The following CDH4 variants were observed in gnomAD, a reference collection of about 807,000 sequenced individuals.
CDH4 encodes cadherin 4.
CDH4 carries 33 observed loss-of-function variants against 86.0 expected under a neutral mutation model. The ratio of observed to expected loss-of-function variants is 0.38; its 90% CI spans 0.29 to 0.51. The LOEUF is 0.51. CDH4 is among the 20% of genes least tolerant of loss of function. CDH4 has a pLI of 0.86. For missense variants in CDH4, 1,114 were observed against 1,307.4 expected (o/e 0.85, Z 2.28); for synonymous variants, 555 against 549.4 (o/e 1.01, Z -0.14).
At chr20:61,432,206 G>C (rs947801894) in intron 2 of CDH4, among the ~76,000 whole-genome samples, 2 of 152,184 alleles carry the variant, frequency 1.3e-5, no homozygotes, top group African/African-American at 4.8e-5. Flanking sequence ...TTAAGAAGTT[G>C]CTCAGTAGCC....
intron 2 of CDH4, among the ~76,000 whole-genome samples, chr20:61,597,909 T>A (rs2086568532): frequency 6.6e-6 from 1 of 152,186 alleles, no homozygotes; most frequent in Admixed American, 6.5e-5. Flanking sequence ...AAGGGCAGGG[T>A]GGACCAGCAG....
chr20:61,922,504 C>T (rs537247808), intron 9 of CDH4, among the ~76,000 whole-genome samples: 15 of 152,274 alleles, frequency 9.9e-5, no homozygotes, highest in South Asian at 4.2e-4. Flanking sequence ...TGGTTCTGTC[C>T]GGGGCTGCGG....
intron 2 of CDH4, among the ~76,000 whole-genome samples, chr20:61,451,445 A>G (rs2085380177): frequency 6.6e-6 from 1 of 152,156 alleles, no homozygotes; most frequent in Non-Finnish European, 1.5e-5. Flanking sequence ...GGGTATAATA[A>G]TACCGTTATA....
chr20:61,706,437 G>A (rs1301141144), intron 2 of CDH4, among the ~76,000 whole-genome samples: 2 of 152,322 alleles, frequency 1.3e-5, no homozygotes, highest in East Asian at 1.9e-4. Flanking sequence ...ACAATAACAT[G>A]TGGGGCACGG....
In CDH4 at chr20:61,684,334, G is replaced by C. The variant is rs1231797343; in HGVS notation, c.170-59229G>C. Among the ~76,000 whole-genome samples the C allele has an allele frequency of 6.6e-6, 1 of 152,202 alleles. No homozygotes were observed. Among genetic ancestry groups the C allele is most frequent in the Non-Finnish European group, 1.5e-5 (1 of 68,022 alleles). On this transcript the variant is annotated intron_variant, in intron 2 of 15. Coordinates refer to ENST00000614565, the MANE Select transcript of CDH4 (RefSeq NM_001794.5). The surrounding 1 kb of genome is among the most constrained non-coding windows in gnomAD (Gnocchi z 4.5). ...GCCCTGTGGGAAGAGCAGGGGGGCC[G>C]CCCAGCTAAGGAAGCAGCAAGCGCG...
At chr20:61,341,530 T>C (rs1278550228) in intron 2 of CDH4, among the ~76,000 whole-genome samples, 3 of 151,736 alleles carry the variant, frequency 2.0e-5, no homozygotes, top group Admixed American at 6.6e-5. Flanking sequence ...TTTTCTTTTT[T>C]TTTTTTTTTA....
At chr20:61,923,345 G>C (rs895994841) in intron 9 of CDH4, 106 bp from the exon 10 acceptor site, 1 of 1,102,308 alleles carries the variant, frequency 9.1e-7, no homozygotes, top group East Asian at 2.4e-5. Context: ...AGAAGAGCTG[G>C]ACATGGCTCA....
At chr20:61,379,787 T>C (rs1484672439) in intron 2 of CDH4, among the ~76,000 whole-genome samples, 1 of 152,240 alleles carries the variant, frequency 6.6e-6, no homozygotes, top group Non-Finnish European at 1.5e-5. Flanking sequence ...TCAACTGTTC[T>C]TTGTTTCAAT....
intron 2 of CDH4, among the ~76,000 whole-genome samples, chr20:61,513,646 G>A (rs2085796496): frequency 6.6e-6 from 1 of 152,202 alleles, no homozygotes; most frequent in African/African-American, 2.4e-5. Flanking sequence ...TCTCACCTCT[G>A]AAAATTGACC....
At chr20:61,270,678 C>T (rs1330670802) in intron 2 of CDH4, among the ~76,000 whole-genome samples, 2 of 152,124 alleles carry the variant, frequency 1.3e-5, no homozygotes, top group East Asian at 1.9e-4. Flanking sequence ...ATAAAAATAG[C>T]TTATAAGACA....
intron 2 of CDH4, among the ~76,000 whole-genome samples, chr20:61,638,030 T>TAA (rs10664878): frequency 7.1e-6 from 1 of 141,400 alleles, no homozygotes; most frequent in Non-Finnish European, 1.5e-5. Context: ...AAACTCCGTC[T>TAA]AAAAAAAAAA....
At chr20:61,586,992 C>T (rs976921714) in intron 2 of CDH4, among the ~76,000 whole-genome samples, 1 of 152,232 alleles carries the variant, frequency 6.6e-6, no homozygotes, top group Non-Finnish European at 1.5e-5. Flanking sequence ...AGGCTGCTCT[C>T]CCAGCAGCCC....
At chr20:61,889,762 A>T (rs1305809140) in intron 7 of CDH4, among the ~76,000 whole-genome samples, 2 of 142,498 alleles carry the variant, frequency 1.4e-5, no homozygotes, top group Non-Finnish European at 3.0e-5. Flanking sequence ...GGATGCATGG[A>T]TGGATTATGC....
chr20:61,899,294 AAG>A (rs1985274624), intron 8 of CDH4, among the ~76,000 whole-genome samples: 1 of 146,996 alleles, frequency 6.8e-6, no homozygotes, highest in Non-Finnish European at 1.5e-5. Context: ...AAAAAAAAAA[AAG>A]AAAAGAAGAG....
At chr20:61,459,511 CGGAGGATTCCCA>C (rs1015081060) in intron 2 of CDH4, among the ~76,000 whole-genome samples, 10 of 150,610 alleles carry the variant, frequency 6.6e-5, no homozygotes, top group African/African-American at 2.2e-4. Flanking sequence ...ACCAAGCTCT[CGGAGGATTCCCA>C]CAGCAGCTGA....
chr20:61,568,199 A>G (rs2086314600), intron 2 of CDH4, among the ~76,000 whole-genome samples: 1 of 152,146 alleles, frequency 6.6e-6, no homozygotes, highest in South Asian at 2.1e-4. Context: ...GTCCCCACCC[A>G]AATCTCACCT....
intron 2 of CDH4, among the ~76,000 whole-genome samples, chr20:61,530,474 C>T (rs764650025): frequency 6.6e-6 from 1 of 152,054 alleles, no homozygotes; most frequent in African/African-American, 2.4e-5. Flanking sequence ...TCTGCCATCA[C>T]TGTGGTGGAG....
chr20:61,371,934 C>T (rs993947447), intron 2 of CDH4, among the ~76,000 whole-genome samples: 1 of 152,178 alleles, frequency 6.6e-6, no homozygotes, highest in African/African-American at 2.4e-5. Context: ...TTGTACCAAG[C>T]CCAGTCTTGT....
chr20:61,566,173 G>A (rs1450797782), intron 2 of CDH4, among the ~76,000 whole-genome samples: 1 of 152,170 alleles, frequency 6.6e-6, no homozygotes, highest in African/African-American at 2.4e-5. Context: ...CATGGTCCCA[G>A]GGCTTCCTGC....
Sources: allele counts gnomAD v4.1 joint callset (sites outside exome capture counted in the v4.1 genomes callset), GRCh38; gene constraint gnomAD v4.1.1; non-coding constraint Gnocchi (gnomAD v3.1); transcripts MANE v1.5; gene names NCBI Gene and HGNC (gene_info 2026-07-23, HGNC 2026-07-21).